The following SLC20A1 variants were observed in gnomAD, a reference collection of about 807,000 sequenced individuals.
The protein encoded by SLC20A1 is solute carrier family 20 member 1.
A neutral mutation model predicts 62.7 loss-of-function variants in SLC20A1; 28 were observed. The observed-to-expected ratio is 0.45, with a 90% CI of 0.33 to 0.61. The LOEUF is 0.61. Among genes scored for constraint, SLC20A1 ranks in the 20% least tolerant of loss-of-function variants. The pLI is 0.02. For synonymous variants in SLC20A1, 305 were observed against 302.9 expected (o/e 1.01, Z -0.07); for missense variants, 673 against 838.6 (o/e 0.80, Z 2.44).
intron 4 of SLC20A1, among the ~76,000 whole-genome samples, chr2:112,648,900 A>C (rs369748280): frequency 1.1e-3 from 166 of 152,350 alleles, no homozygotes; most frequent in African/African-American, 3.9e-3. Context: ...ACCAGTAGTC[A>C]TGGACCAGAT....
In SLC20A1 at chr2:112,661,244, G is replaced by A. The variant is rs1686740995; in HGVS notation, c.1878+18G>A. On this transcript the variant is annotated intron_variant, in intron 10 of 10. Transcript: ENST00000272542. The stretch of plus-strand genomic sequence containing the variant: ...ATTGTAAAGTAAGTGTAATGCCAAT[G>A]TGTGTCTTTCAAATGGTTCTTCTAA... The A allele has an allele frequency of 1.9e-6, 3 of 1,572,504 alleles. No homozygotes were observed. The East Asian group carries it at 6.7e-5, about 35-fold the overall frequency.
intron 10 of SLC20A1, among the ~76,000 whole-genome samples, chr2:112,662,149 A>G (rs1686765822): frequency 6.6e-6 from 1 of 152,380 alleles, no homozygotes; most frequent in South Asian, 2.1e-4. Context: ...CCTTAAGAGC[A>G]TTTAAGCTGG....
intron 5 of SLC20A1, among the ~76,000 whole-genome samples, chr2:112,654,633 A>G (rs1312266523): frequency 6.6e-6 from 1 of 152,152 alleles, no homozygotes; most frequent in East Asian, 1.9e-4. Flanking sequence ...GCGGTGGCTC[A>G]TGCTTGTAAT....
At chr2:112,649,573 T>TA (rs983820085) in intron 4 of SLC20A1, among the ~76,000 whole-genome samples, 1 of 152,218 alleles carries the variant, frequency 6.6e-6, no homozygotes, top group African/African-American at 2.4e-5. Flanking sequence ...CCTTTTTTTT[T>TA]AATTTCAAAA....
chr2:112,657,377 G>T (rs1188034413), intron 6 of SLC20A1, 136 bp downstream of exon 6: 4 of 913,580 alleles, frequency 4.4e-6, no homozygotes, highest in African/African-American at 1.7e-5. Flanking sequence ...ATATGGGTTT[G>T]TTGTCCAAAC....
At chr2:112,660,641 G>A (rs771271818) in intron 9 of SLC20A1, 69 bp downstream of exon 9, 1 of 1,327,350 alleles carries the variant, frequency 7.5e-7, no homozygotes. Context: ...ACTGTCGAGT[G>A]CTAACACAAA....
At chr2:112,661,362 G>T in intron 10 of SLC20A1, 136 bp downstream of exon 10, 1 of 590,926 alleles carries the variant, frequency 1.7e-6, no homozygotes. Flanking sequence ...TATTTCTTGT[G>T]TTTATTCTTA....
Position 112,657,199 on chromosome 2 carries a change from G to A in SLC20A1, c.736G>A (p.Val246Ile), listed in dbSNP as rs753087768. The A allele has an allele frequency of 8.1e-6, 13 of 1,613,758 alleles. No individual in the cohort carries two copies. In the South Asian group the frequency reaches 9.9e-5, roughly 12 times the overall value. The change falls in exon 6 of 11, where the codon GTC becomes ATC. Residue 246 changes from valine to isoleucine, a missense_variant. Coordinates refer to ENST00000272542, the MANE Select transcript of SLC20A1 (RefSeq NM_005415.5). ...ATGTGCAGTTTTCTGTGCCCTTATC[G>A]TCTGGTTCTTTGTATGTCCCAGGAT... Reference protein sequence around the residue: ...VGCAVFCALIVWFFVCPRMKR... With the variant: ...VGCAVFCALIIWFFVCPRMKR...
In SLC20A1 at chr2:112,646,700, G is replaced by A. The variant is rs1686288189; in HGVS notation, c.-129G>A. 2.7e-6 allele frequency: 1 copy of A among 367,314 alleles called. No homozygotes were observed. The highest frequency in any genetic ancestry group is 5.4e-5 in the East Asian group (1 of 18,526). The allele number at this position is 367,314 out of a possible 1,614,324, so 22.8% of individuals were successfully genotyped here. ...AACTCCCCAGCTCGGTTTCTGTGCC[G>A]TAGTTTACAGTATTTAATTTTATAT... On this transcript the variant is annotated 5_prime_UTR_variant, in exon 2 of 11. Coordinates refer to ENST00000272542, the MANE Select transcript of SLC20A1 (RefSeq NM_005415.5).
intron 6 of SLC20A1, 85 bp from the exon 7 acceptor site, chr2:112,658,740 T>C: frequency 7.0e-7 from 1 of 1,430,082 alleles, no homozygotes; most frequent in Non-Finnish European, 9.4e-7. Flanking sequence ...TTGAGATGAG[T>C]TTTTTGGGGG....
chr2:112,658,144 C>G (rs1686646380), intron 6 of SLC20A1, among the ~76,000 whole-genome samples: 1 of 152,180 alleles, frequency 6.6e-6, no homozygotes, highest in Non-Finnish European at 1.5e-5. Flanking sequence ...CTCATTTTCC[C>G]TCTCTGGGAG....
At position 112,657,103 on chromosome 2, in the gene SLC20A1, G is replaced by A. The variant is rs531668777; in HGVS notation, c.659-19G>A. 6.2e-7 allele frequency: 1 copy of A among 1,613,798 alleles called. No individual in the cohort carries two copies. The highest frequency in any genetic ancestry group is 1.1e-5 in the South Asian group (1 of 91,066). ...GCTGTTGCCCTGGGGTTTTCAAGAT[G>A]CACCATTTTATCTCCTAGTGCTGGG... is the stretch of plus-strand genomic sequence containing the variant. On this transcript the variant is annotated intron_variant, in intron 5 of 10. Transcript: ENST00000272542.
intron 2 of SLC20A1, 54 bp downstream of exon 2, chr2:112,647,216 A>T: frequency 6.3e-7 from 1 of 1,586,964 alleles, no homozygotes; most frequent in Non-Finnish European, 8.6e-7. Context: ...AATTTGTATC[A>T]TGGGTGGTTC....
At chr2:112,660,327 G>A (rs1686713234) in intron 8 of SLC20A1, 60 bp from the exon 9 acceptor site, 1 of 1,436,636 alleles carries the variant, frequency 7.0e-7, no homozygotes, top group South Asian at 1.2e-5. Context: ...CAGCAGATTG[G>A]GTCTTGCCAA....
rs1333636766 is a variant in SLC20A1, at chr2:112,662,851, G to C, written c.1879-13G>C. 6.2e-7 allele frequency: 1 copy of C among 1,612,758 alleles called. No individual in the cohort carries two copies. Among genetic ancestry groups the C allele is most frequent in the African/African-American group, 1.3e-5 (1 of 74,800 alleles). ...CTTCAATAACCTGTTTCCTTGGTCTGCTTCTCTTCTAGGTGGGCTCTGTTG... is the reference window on the plus strand; with the variant it reads ...CTTCAATAACCTGTTTCCTTGGTCTCCTTCTCTTCTAGGTGGGCTCTGTTG... On this transcript the variant is annotated splice_polypyrimidine_tract_variant and intron_variant, in intron 10 of 10. Transcript: ENST00000272542.
intron 5 of SLC20A1, 60 bp downstream of exon 5, chr2:112,652,858 A>G: frequency 6.2e-7 from 1 of 1,613,542 alleles, no homozygotes; most frequent in South Asian, 1.1e-5. Flanking sequence ...ACTTGCATTA[A>G]ATGCCCAATT....
intron 5 of SLC20A1, among the ~76,000 whole-genome samples, chr2:112,656,869 A>G (rs1686603710): frequency 6.6e-6 from 1 of 152,242 alleles, no homozygotes; most frequent in African/African-American, 2.4e-5. Context: ...TCGTATGTTG[A>G]GAAGCATAGG....
intron 3 of SLC20A1, 46 bp from the exon 4 acceptor site, chr2:112,647,607 C>T (rs1686319247): frequency 6.3e-7 from 1 of 1,595,112 alleles, no homozygotes; most frequent in South Asian, 1.1e-5. Context: ...TTTTTGGTTT[C>T]TGATTTTCAT....
At position 112,658,914 on chromosome 2, in the gene SLC20A1, G is replaced by C; in HGVS notation, c.868G>C (p.Gly290Arg). The C allele has an allele frequency of 6.2e-7, 1 of 1,614,164 alleles. No individual in the cohort carries two copies. The highest frequency in any genetic ancestry group is 8.5e-7 in the Non-Finnish European group (1 of 1,180,022). The change falls in exon 7 of 11, where the codon GGT (glycine) becomes CGT (arginine). Residue 290 changes from glycine (G) to arginine (R), a missense_variant. By Grantham distance (125) the Gly-to-Arg change is moderately radical. Transcript: ENST00000272542. ...CCATGAAGAAACAAAGTTGTCTGTT[G>C]GTGATATTGAAAACAAGCATCCTGT... ...EDHEETKLSVGDIENKHPVSE... is the reference protein window; with the variant it reads ...EDHEETKLSVRDIENKHPVSE...
Sources: allele counts gnomAD v4.1 joint callset (sites outside exome capture counted in the v4.1 genomes callset), GRCh38; gene constraint gnomAD v4.1.1; transcripts MANE v1.5; gene names NCBI Gene and HGNC (gene_info 2026-07-23, HGNC 2026-07-21).